GNAQ: variants seen among roughly 807,000 people sequenced by gnomAD.
GNAQ encodes the protein G protein subunit alpha q.
In GNAQ, 8 loss-of-function variants were observed where a neutral mutation model predicts 43.9. That is an observed-to-expected ratio of 0.18 (90% CI 0.11 to 0.33). The LOEUF is 0.33. Among genes scored for constraint, GNAQ ranks in the 10% least tolerant of loss-of-function variants. The pLI is 1.00. For missense variants in GNAQ, 158 were observed against 450.8 expected, an observed-to-expected ratio of 0.35 and a Z score of 5.88; for synonymous variants, 155 against 170.7, an observed-to-expected ratio of 0.91 and a Z score of 0.71.
intron 2 of GNAQ, among the ~76,000 whole-genome samples, chr9:77,867,792 TCCAATATGGATTATTC>T (rs1263561479): frequency 6.6e-6 from 1 of 152,164 alleles, no homozygotes; most frequent in African/African-American, 2.4e-5. Context: ...AGCTGGCCCA[TCCAATATGGATTATTC>T]CCAATCATAG....
rs554783626 is a variant in GNAQ, at chr9:77,904,317, C to CTTTTTTTTTT, written c.321+17834_321+17843dup. On this transcript the variant is annotated intron_variant, in intron 2 of 6. Coordinates refer to ENST00000286548, the MANE Select transcript of GNAQ (RefSeq NM_002072.5). Reference sequence around the variant, plus strand: ...TGGAGTTAACAGAAGTTCACACCGGCTTTTTTTTTTTTTTTTTTTTTTTTT... The same window carrying CTTTTTTTTTT: ...TGGAGTTAACAGAAGTTCACACCGGCTTTTTTTTTTTTTTTTTTTTTTTTTTTTTTTTTTT... Among the ~76,000 whole-genome samples, 110 of 77,426 alleles carry CTTTTTTTTTT rather than the reference C, an allele frequency of 1.4e-3. 18 individuals are homozygous for CTTTTTTTTTT. Among genetic ancestry groups the CTTTTTTTTTT allele is most frequent in the East Asian group, 4.0e-3 (7 of 1,734 alleles). 50.8% of individuals were successfully genotyped at this position (77,426 alleles called of 152,430 possible).
chr9:77,961,930 C>T (rs1025822332), intron 1 of GNAQ, among the ~76,000 whole-genome samples: 5 of 152,074 alleles, frequency 3.3e-5, no homozygotes, highest in African/African-American at 1.2e-4. Flanking sequence ...TAGGTTCCAC[C>T]ACCTCAAGAA....
chr9:78,018,642 T>C (rs992332225), intron 1 of GNAQ, among the ~76,000 whole-genome samples: 3 of 152,162 alleles, frequency 2.0e-5, no homozygotes, highest in African/African-American at 7.2e-5. Context: ...ACTTGGACTG[T>C]CTATTAAGCA....
At chr9:78,025,788 G>A (rs1823972228) in intron 1 of GNAQ, among the ~76,000 whole-genome samples, 1 of 152,182 alleles carries the variant, frequency 6.6e-6, no homozygotes, top group Middle Eastern at 3.4e-3. Context: ...AATATTAGTA[G>A]AATAACTCCC....
chr9:77,970,635 T>C (rs1467788602), intron 1 of GNAQ, among the ~76,000 whole-genome samples: 1 of 152,118 alleles, frequency 6.6e-6, no homozygotes, highest in African/African-American at 2.4e-5. Flanking sequence ...ACACATTTAA[T>C]GCAGTGTGTA....
intron 2 of GNAQ, among the ~76,000 whole-genome samples, chr9:77,896,611 C>A (rs556073977): frequency 6.6e-6 from 1 of 152,288 alleles, no homozygotes; most frequent in Non-Finnish European, 1.5e-5. Context: ...TCACCAGTTA[C>A]CTAAAAATTA....
At chr9:78,024,925 T>G (rs951170041) in intron 1 of GNAQ, among the ~76,000 whole-genome samples, 2 of 152,224 alleles carry the variant, frequency 1.3e-5, no homozygotes, top group African/African-American at 2.4e-5. Flanking sequence ...ATAATTTGAT[T>G]TTTAAGTAAT....
At chr9:77,767,654 T>A (rs1057363171) in intron 5 of GNAQ, among the ~76,000 whole-genome samples, 3 of 152,246 alleles carry the variant, frequency 2.0e-5, no homozygotes, top group African/African-American at 7.2e-5. Flanking sequence ...AGACTATTGA[T>A]ACCTGAAGAA....
chr9:77,824,160 A>G (rs960605483), intron 2 of GNAQ, among the ~76,000 whole-genome samples: 12 of 152,156 alleles, frequency 7.9e-5, no homozygotes, highest in African/African-American at 2.9e-4. Context: ...GTATTTAACT[A>G]TTTCATAGAA....
At chr9:77,808,819 T>C (rs1287064550) in intron 3 of GNAQ, among the ~76,000 whole-genome samples, 3 of 151,780 alleles carry the variant, frequency 2.0e-5, no homozygotes, top group African/African-American at 7.3e-5. Flanking sequence ...ATTTTCACCA[T>C]ACAACGGTCT....
chr9:77,911,779 A>G (rs1828809082), intron 2 of GNAQ, among the ~76,000 whole-genome samples: 1 of 152,100 alleles, frequency 6.6e-6, no homozygotes, highest in South Asian at 2.1e-4. Flanking sequence ...TCCAGCTCCA[A>G]CTCTTGTTAG....
intron 1 of GNAQ, among the ~76,000 whole-genome samples, chr9:77,998,282 C>G (rs749277804): frequency 6.6e-6 from 1 of 152,196 alleles, no homozygotes; most frequent in Non-Finnish European, 1.5e-5. Context: ...CTCATGCTGC[C>G]TTTTTTGTCT....
intron 2 of GNAQ, among the ~76,000 whole-genome samples, chr9:77,889,710 C>A (rs1018750381): frequency 6.6e-6 from 1 of 152,152 alleles, no homozygotes; most frequent in African/African-American, 2.4e-5. Flanking sequence ...ATCACAGTCT[C>A]TAATGAGTCC....
At chr9:77,760,460 C>T (rs187736564) in intron 5 of GNAQ, among the ~76,000 whole-genome samples, 5,400 of 152,086 alleles carry the variant, frequency 0.036, 302 homozygotes, top group African/African-American at 0.12. Flanking sequence ...CCGCCAGCCT[C>T]GGCCTCTGGA....
intron 2 of GNAQ, among the ~76,000 whole-genome samples, chr9:77,894,045 C>A (rs1349774495): frequency 6.6e-6 from 1 of 151,854 alleles, no homozygotes; most frequent in Non-Finnish European, 1.5e-5. Context: ...TTCTAGTGTC[C>A]CCCATTTTAG....
intron 1 of GNAQ, among the ~76,000 whole-genome samples, chr9:78,012,888 A>G (rs1338982642): frequency 1.3e-5 from 2 of 152,150 alleles, no homozygotes; most frequent in Non-Finnish European, 2.9e-5. Flanking sequence ...AAATAAATAA[A>G]CTCTAGGTAT....
chr9:77,762,059 G>T (rs1240651092), intron 5 of GNAQ, among the ~76,000 whole-genome samples: 16 of 97,488 alleles, frequency 1.6e-4, no homozygotes, highest in African/African-American at 2.0e-4. Context: ...CAGCCGCCCC[G>T]TCCGGGAGGG....
chr9:77,949,631 C>T (rs949047283), intron 1 of GNAQ, among the ~76,000 whole-genome samples: 4 of 152,114 alleles, frequency 2.6e-5, no homozygotes, highest in Non-Finnish European at 5.9e-5. Context: ...GGAAAATTGG[C>T]ATAGGTGAGC....
At chr9:77,889,096 C>T (rs1298437169) in intron 2 of GNAQ, among the ~76,000 whole-genome samples, 3 of 152,062 alleles carry the variant, frequency 2.0e-5, no homozygotes, top group Admixed American at 6.6e-5. Flanking sequence ...GCCATACCTA[C>T]TGAATTAAAC....
Sources: gnomAD v4.1 joint callset for allele counts (sites outside exome capture counted in the v4.1 genomes callset) on GRCh38, gnomAD v4.1.1 for gene constraint, MANE v1.5 for transcripts, NCBI Gene and HGNC (gene_info 2026-07-23, HGNC 2026-07-21) for gene names.